The following SHANK2 variants were observed in gnomAD, a reference collection of about 807,000 sequenced individuals.
SHANK2 encodes the protein SH3 and multiple ankyrin repeat domains 2, also known as SH3 and multiple ankyrin repeat domains protein 2.
In SHANK2, 43 loss-of-function variants were observed where a neutral mutation model predicts 133.7. The observed-to-expected ratio is 0.32, with a 90% CI of 0.25 to 0.41. SHANK2 has a LOEUF of 0.41. Ranked by LOEUF, SHANK2 falls within the 10% of genes least tolerant of loss-of-function variation. The pLI, the probability that SHANK2 is intolerant of heterozygous loss-of-function variation, is 1.00. For synonymous variants in SHANK2, 1,017 were observed against 952.8 expected, an observed-to-expected ratio of 1.07 and a Z score of -1.24; for missense variants, 1,994 against 2,235.8, an observed-to-expected ratio of 0.89 and a Z score of 2.18.
chr11:70,861,903 A>G (rs1949264501), intron 11 of SHANK2, among the ~76,000 whole-genome samples: 1 of 152,192 alleles, frequency 6.6e-6, no homozygotes, highest in African/African-American at 2.4e-5. Context: ...ATCAGTTAGA[A>G]GAGGAGCAGA....
At chr11:71,170,171 ATTT>A (rs1215583124) in intron 2 of SHANK2, among the ~76,000 whole-genome samples, 1 of 151,932 alleles carries the variant, frequency 6.6e-6, no homozygotes, top group African/African-American at 2.4e-5. Flanking sequence ...ATACATCCAA[ATTT>A]TTTTTCTGTA....
At chr11:70,694,282 C>T (rs1285850486) in intron 15 of SHANK2, among the ~76,000 whole-genome samples, 1 of 152,164 alleles carries the variant, frequency 6.6e-6, no homozygotes, top group African/African-American at 2.4e-5. Flanking sequence ...GAGGGGAATC[C>T]CAGGGAGGGA....
chr11:70,566,867 G>C (rs17336134), intron 17 of SHANK2, among the ~76,000 whole-genome samples: 33,072 of 152,112 alleles, frequency 0.22, 4,355 homozygotes, highest in South Asian at 0.31. Flanking sequence ...TAATTGATTG[G>C]AGCAGAAAAG....
chr11:70,623,394 G>A (rs2060859351), intron 17 of SHANK2, among the ~76,000 whole-genome samples: 1 of 152,178 alleles, frequency 6.6e-6, no homozygotes, highest in Non-Finnish European at 1.5e-5. Context: ...TGCCCTTTTG[G>A]AGGATCATCG....
At chr11:70,514,319 C>A (rs9651738) in intron 17 of SHANK2, among the ~76,000 whole-genome samples, 17,460 of 152,096 alleles carry the variant, frequency 0.11, 1,162 homozygotes, top group East Asian at 0.33. Context: ...AAAATAAAGA[C>A]CTTTATAAAA....
chr11:70,772,979 A>G (rs1423355716), intron 14 of SHANK2, among the ~76,000 whole-genome samples: 1 of 152,186 alleles, frequency 6.6e-6, no homozygotes, highest in Non-Finnish European at 1.5e-5. Context: ...TGGTTTCCAG[A>G]TCCAGCTGAA....
chr11:71,237,740 A>G (rs1264175745), intron 1 of SHANK2, among the ~76,000 whole-genome samples: 1 of 152,118 alleles, frequency 6.6e-6, no homozygotes, highest in Non-Finnish European at 1.5e-5. Flanking sequence ...TAACTGAATC[A>G]CTAGCTGTAG....
chr11:70,780,686 C>A (rs1947463488), intron 14 of SHANK2, among the ~76,000 whole-genome samples: 1 of 151,534 alleles, frequency 6.6e-6, no homozygotes, highest in African/African-American at 2.4e-5. Context: ...GATTCTCCTG[C>A]CTCAGCCTCC....
In SHANK2 at chr11:70,903,915, C is replaced by T. The variant is rs1461011091; in HGVS notation, c.1108-7348G>A. Among the ~76,000 whole-genome samples the T allele has an allele frequency of 5.9e-5, 9 of 152,188 alleles. No homozygotes were observed. In the South Asian group the frequency reaches 1.4e-3, roughly 24 times the overall value. ...GCCAAACCCCAAACCCTCCTTCTCCCCGAAATGCCCCACTTTGATGCTGTG... is the reference window on the plus strand; with the variant it reads ...GCCAAACCCCAAACCCTCCTTCTCCTCGAAATGCCCCACTTTGATGCTGTG... On this transcript the variant is annotated intron_variant, in intron 10 of 25. Coordinates refer to ENST00000601538, the MANE Select transcript of SHANK2 (RefSeq NM_012309.5).
intron 17 of SHANK2, among the ~76,000 whole-genome samples, chr11:70,577,809 T>C (rs1442028808): frequency 6.6e-6 from 1 of 152,196 alleles, no homozygotes; most frequent in Non-Finnish European, 1.5e-5. Flanking sequence ...AGAACGTGAC[T>C]GTATTTGCAG....
chr11:70,844,204 TA>T (rs1466624019), intron 11 of SHANK2, among the ~76,000 whole-genome samples: 3 of 152,130 alleles, frequency 2.0e-5, no homozygotes, highest in Non-Finnish European at 4.4e-5. Flanking sequence ...CCTACAACAT[TA>T]GTTCAACTCA....
At chr11:70,812,026 T>C (rs1031940106) in intron 12 of SHANK2, among the ~76,000 whole-genome samples, 20 of 152,252 alleles carry the variant, frequency 1.3e-4, no homozygotes, top group Non-Finnish European at 2.1e-4. Context: ...GTAACTGTGA[T>C]AACGCACTCT....
At chr11:71,220,769 G>A (rs1565523629) in intron 2 of SHANK2, among the ~76,000 whole-genome samples, 1 of 151,988 alleles carries the variant, frequency 6.6e-6, no homozygotes, top group Non-Finnish European at 1.5e-5. Flanking sequence ...AGGGGCTGGG[G>A]AAGAGGAATG....
chr11:70,759,680 T>C (rs4980639), intron 14 of SHANK2, among the ~76,000 whole-genome samples: 138,364 of 152,118 alleles, frequency 0.91, 63,441 homozygotes, highest in South Asian at 0.98. Flanking sequence ...TAAGACTGTG[T>C]GAGGCAAGGG....
chr11:70,835,699 A>G (rs1555059883), intron 11 of SHANK2, among the ~76,000 whole-genome samples: 1 of 152,210 alleles, frequency 6.6e-6, no homozygotes, highest in African/African-American at 2.4e-5. Context: ...TCTTATAAAA[A>G]GAATGAAATC....
intron 17 of SHANK2, among the ~76,000 whole-genome samples, chr11:70,546,491 C>A (rs1164591184): frequency 6.6e-6 from 1 of 152,160 alleles, no homozygotes; most frequent in Non-Finnish European, 1.5e-5. Context: ...GGGACAGAGA[C>A]CCCAATGCAT....
chr11:70,755,847 C>A (rs1452490952), intron 14 of SHANK2, among the ~76,000 whole-genome samples: 2 of 152,238 alleles, frequency 1.3e-5, no homozygotes, highest in African/African-American at 4.8e-5. Context: ...CATCGTAGGG[C>A]CACTTTTGCA....
chr11:71,188,150 T>C lies in SHANK2; in HGVS notation c.-13+36547A>G, dbSNP rs1271852709. Among the ~76,000 whole-genome samples, 3 of 152,122 alleles carry C rather than the reference T, an allele frequency of 2.0e-5. No homozygotes were observed. The highest frequency in any genetic ancestry group is 7.2e-5 in the African/African-American group (3 of 41,416). On this transcript the variant is annotated intron_variant, in intron 2 of 25. Coordinates refer to ENST00000601538, the MANE Select transcript of SHANK2 (RefSeq NM_012309.5). The surrounding 1 kb of genome is among the most constrained non-coding windows in gnomAD (Gnocchi z 4.6). ...CACCGGAGACGTTTCCCTCTGCCTC[T>C]GCCCCGTTTTCCCAGCCACTCCTGA...
At chr11:70,585,742 TC>T (rs2060240600) in intron 17 of SHANK2, among the ~76,000 whole-genome samples, 1 of 151,468 alleles carries the variant, frequency 6.6e-6, no homozygotes, top group African/African-American at 2.4e-5. Context: ...CAACTAGCCA[TC>T]CATCCATCCA....
Sources: gnomAD v4.1 joint callset for allele counts (sites outside exome capture counted in the v4.1 genomes callset) on GRCh38, gnomAD v4.1.1 for gene constraint, Gnocchi (gnomAD v3.1) non-coding constraint, MANE v1.5 for transcripts, NCBI Gene and HGNC (gene_info 2026-07-23, HGNC 2026-07-21) for gene names.